The following FRMD5 variants were observed in gnomAD, a reference collection of about 807,000 sequenced individuals.
The protein encoded by FRMD5 is FERM domain containing 5.
FRMD5 carries 20 observed loss-of-function variants against 69.0 expected under a neutral mutation model. The observed-to-expected ratio is 0.29, with a 90% CI of 0.20 to 0.42. The LOEUF (loss-of-function observed/expected upper bound fraction) is 0.42, where lower values mean the gene tolerates loss of function less well. Among genes scored for constraint, FRMD5 ranks in the 10% least tolerant of loss-of-function variants. The pLI is 1.00. For missense variants in FRMD5, 595 were observed against 708.6 expected (o/e 0.84, Z 1.82); for synonymous variants, 271 against 260.1 (o/e 1.04, Z -0.40).
chr15:43,887,688 C>G (rs1017986635), intron 10 of FRMD5, among the ~76,000 whole-genome samples: 1 of 152,184 alleles, frequency 6.6e-6, no homozygotes, highest in Non-Finnish European at 1.5e-5. Flanking sequence ...CATCCCAGAG[C>G]AGTTCTCATC....
At chr15:44,168,448 GT>G (rs1220470643) in intron 1 of FRMD5, among the ~76,000 whole-genome samples, 12 of 152,206 alleles carry the variant, frequency 7.9e-5, no homozygotes, top group African/African-American at 2.9e-4. Flanking sequence ...GACTTGCTCA[GT>G]GCCAAATTTA....
intron 1 of FRMD5, among the ~76,000 whole-genome samples, chr15:44,091,230 G>C (rs972791101): frequency 2.6e-5 from 4 of 152,158 alleles, no homozygotes; most frequent in African/African-American, 7.2e-5. Flanking sequence ...ATACCTGACT[G>C]GTGGTTTTTA....
chr15:44,069,057 T>C (rs1300482856), intron 1 of FRMD5, among the ~76,000 whole-genome samples: 1 of 152,150 alleles, frequency 6.6e-6, no homozygotes, highest in Non-Finnish European at 1.5e-5. Context: ...GATATACTGA[T>C]GGCAAATAAG....
intron 1 of FRMD5, among the ~76,000 whole-genome samples, chr15:43,958,919 G>C (rs2090155605): frequency 1.3e-5 from 2 of 152,126 alleles, no homozygotes; most frequent in African/African-American, 4.8e-5. Context: ...ATTCAACTGT[G>C]TGCATCTCTG....
chr15:43,905,765 G>C, intron 6 of FRMD5, 63 bp downstream of exon 6: 3 of 1,590,004 alleles, frequency 1.9e-6, no homozygotes. Flanking sequence ...ACACGGCGTG[G>C]AGCCTGCGTG....
chr15:43,963,946 A>G (rs1305314072), intron 1 of FRMD5, among the ~76,000 whole-genome samples: 2 of 152,138 alleles, frequency 1.3e-5, no homozygotes, highest in African/African-American at 4.8e-5. Flanking sequence ...TAGGTGATAT[A>G]CCTAATGCTA....
In FRMD5 at chr15:44,118,114, A is replaced by T. The variant is rs937025539; in HGVS notation, c.102+76839T>A. Among the ~76,000 whole-genome samples, 5 of 149,212 alleles carry T rather than the reference A, an allele frequency of 3.4e-5. No individual in the cohort carries two copies. In the Admixed American group the frequency reaches 3.4e-4, roughly 10 times the overall value. ...CATGTATTCCAGTAATTCTCTTCTA[A>T]TTTAAAATCAAACTATGAGGAAGAA... On this transcript the variant is annotated intron_variant, in intron 1 of 13. Coordinates refer to ENST00000417257, the MANE Select transcript of FRMD5 (RefSeq NM_032892.5).
intron 1 of FRMD5, among the ~76,000 whole-genome samples, chr15:43,993,697 T>C (rs148615670): frequency 8.5e-5 from 13 of 152,340 alleles, no homozygotes; most frequent in Non-Finnish European, 1.5e-4. Context: ...CCCCTACTAT[T>C]ATTGTGTTGC....
At chr15:44,033,475 G>T (rs1891775435) in intron 1 of FRMD5, among the ~76,000 whole-genome samples, 1 of 151,940 alleles carries the variant, frequency 6.6e-6, no homozygotes, top group South Asian at 2.1e-4. Flanking sequence ...CCAAATAATA[G>T]TTTTTGTTCA....
chr15:43,986,182 C>T (rs1889384930), intron 1 of FRMD5, among the ~76,000 whole-genome samples: 1 of 152,244 alleles, frequency 6.6e-6, no homozygotes, highest in African/African-American at 2.4e-5. Context: ...CTTTCACAGT[C>T]TGTCGGTGAC....
chr15:43,888,047 G>A (rs762592425), intron 10 of FRMD5, 128 bp downstream of exon 10: 16 of 651,368 alleles, frequency 2.5e-5, no homozygotes, highest in Non-Finnish European at 3.7e-5. Flanking sequence ...TGGCTTCTCA[G>A]TAACTGTCAA....
intron 4 of FRMD5, among the ~76,000 whole-genome samples, chr15:43,914,176 T>C (rs1329344334): frequency 6.6e-6 from 1 of 152,162 alleles, no homozygotes; most frequent in Non-Finnish European, 1.5e-5. Context: ...TGCTTTCTGA[T>C]ATCAGAGGGT....
chr15:44,167,121 C>T (rs1466932415), intron 1 of FRMD5, among the ~76,000 whole-genome samples: 3 of 152,108 alleles, frequency 2.0e-5, no homozygotes, highest in African/African-American at 7.2e-5. Context: ...CACCTCCAAG[C>T]AACTGGTTCA....
At chr15:44,069,651 G>A (rs891065242) in intron 1 of FRMD5, among the ~76,000 whole-genome samples, 1 of 152,158 alleles carries the variant, frequency 6.6e-6, no homozygotes, top group African/African-American at 2.4e-5. Flanking sequence ...GTTGCCAAGT[G>A]TCAAGGATGA....
intron 1 of FRMD5, among the ~76,000 whole-genome samples, chr15:44,084,447 C>T (rs374715133): frequency 4.6e-5 from 7 of 152,144 alleles, no homozygotes; most frequent in African/African-American, 1.2e-4. Flanking sequence ...TTTATGAACT[C>T]CCGAGGCAGC....
In FRMD5 at chr15:43,878,383, A is replaced by C. The variant is rs368398453; in HGVS notation, c.1136-3921T>G. Reference sequence around the variant, plus strand: ...CCATGGAATGGAACCATGGGCCAGGACGGATTAAATCAACAGCCAGCATCT... The same window carrying C: ...CCATGGAATGGAACCATGGGCCAGGCCGGATTAAATCAACAGCCAGCATCT... On this transcript the variant is annotated intron_variant, in intron 13 of 13. Transcript: ENST00000417257. Among the ~76,000 whole-genome samples, 28 of 152,336 alleles carry C rather than the reference A, an allele frequency of 1.8e-4. No homozygotes were observed. In the East Asian group the frequency reaches 4.0e-3, roughly 22 times the overall value.
In FRMD5 at chr15:43,905,968, G is replaced by A; in HGVS notation, c.428-17C>T. 6.2e-7 allele frequency: 1 copy of A among 1,614,108 alleles called. No homozygotes were observed. The highest frequency in any genetic ancestry group is 8.5e-7 in the Non-Finnish European group (1 of 1,179,992). ...CAATCTCCGCTTTCAAAAGGAAGGTGGAAGAAAACAATTGTGGAGACAGGT... is the reference window on the plus strand; with the variant it reads ...CAATCTCCGCTTTCAAAAGGAAGGTAGAAGAAAACAATTGTGGAGACAGGT... On this transcript the variant is annotated splice_polypyrimidine_tract_variant and intron_variant, in intron 5 of 13. Coordinates refer to ENST00000417257, the MANE Select transcript of FRMD5 (RefSeq NM_032892.5).
intron 1 of FRMD5, among the ~76,000 whole-genome samples, chr15:44,057,661 A>C (rs1892927179): frequency 6.6e-6 from 1 of 152,238 alleles, no homozygotes; most frequent in African/African-American, 2.4e-5. Flanking sequence ...CCCAGGATAC[A>C]ACAGCAACAA....
chr15:43,888,373 A>G, intron 9 of FRMD5, 107 bp from the exon 10 acceptor site: 1 of 724,196 alleles, frequency 1.4e-6, no homozygotes, highest in Non-Finnish European at 2.4e-6. Context: ...GCAGCTGGCT[A>G]GTTAGAGGGG....
Sources: allele counts gnomAD v4.1 joint callset (sites outside exome capture counted in the v4.1 genomes callset), GRCh38; gene constraint gnomAD v4.1.1; transcripts MANE v1.5; gene names NCBI Gene and HGNC (gene_info 2026-07-23, HGNC 2026-07-21).